RANBP2: variants seen among roughly 807,000 people sequenced by gnomAD.
RANBP2 encodes the protein RAN binding protein 2.
Under a neutral mutation model 303.6 loss-of-function variants are expected in RANBP2, and 57 were observed. The ratio of observed to expected loss-of-function variants is 0.19; its 90% CI spans 0.15 to 0.23. The LOEUF is 0.23. Among genes scored for constraint, RANBP2 ranks in the 10% least tolerant of loss-of-function variants. The pLI is 1.00. For synonymous variants in RANBP2, 1,167 were observed against 1,301.5 expected, an observed-to-expected ratio of 0.90 and a Z score of 2.23; for missense variants, 3,138 against 3,780.8, an observed-to-expected ratio of 0.83 and a Z score of 4.46.
chr2:108,864,969 A>G, the RANBP2 span, among the ~76,000 whole-genome samples: 1 of 152,122 alleles, frequency 6.6e-6, no homozygotes, highest in Non-Finnish European at 1.5e-5. Context: ...AAGAAAATAA[A>G]TAAATAGTAA....
the RANBP2 span, among the ~76,000 whole-genome samples, chr2:109,673,767 G>T: frequency 6.6e-6 from 1 of 151,934 alleles, no homozygotes; most frequent in African/African-American, 2.4e-5. Flanking sequence ...GGGAGGGGAG[G>T]TGGGGAGGGG....
At chr2:109,557,170 T>C in the RANBP2 span, among the ~76,000 whole-genome samples, 1 of 151,300 alleles carries the variant, frequency 6.6e-6, no homozygotes, top group East Asian at 1.9e-4. Flanking sequence ...TAAAGTATAA[T>C]AAAAAAAAAT....
the RANBP2 span, chr2:108,798,280 C>T: frequency 1.5e-6 from 1 of 683,130 alleles, no homozygotes; most frequent in South Asian, 2.2e-5. Flanking sequence ...ACTTGCTATA[C>T]TAGTCTAGCT....
the RANBP2 span, chr2:109,398,717 G>A: frequency 6.2e-7 from 1 of 1,612,960 alleles, no homozygotes; most frequent in Non-Finnish European, 8.5e-7. Flanking sequence ...CCCACTTTAA[G>A]CAGCTCAGGG....
At chr2:109,184,587 C>A in the RANBP2 span, among the ~76,000 whole-genome samples, 2 of 152,146 alleles carry the variant, frequency 1.3e-5, no homozygotes, top group African/African-American at 2.4e-5. Context: ...GTTGGCTTCC[C>A]CCATCCAGTG....
the RANBP2 span, among the ~76,000 whole-genome samples, chr2:108,862,088 T>TG: frequency 1.3e-5 from 2 of 151,244 alleles, no homozygotes; most frequent in Non-Finnish European, 2.9e-5. Context: ...TTTTTTTTTT[T>TG]TTTATTTGTT....
the RANBP2 span, among the ~76,000 whole-genome samples, chr2:109,014,771 T>C: frequency 1.3e-5 from 2 of 151,652 alleles, no homozygotes; most frequent in African/African-American, 4.9e-5. Context: ...CCAGCATGAG[T>C]GTGGTGCAGG....
chr2:109,612,293 G>A, the RANBP2 span, among the ~76,000 whole-genome samples: 1 of 152,164 alleles, frequency 6.6e-6, no homozygotes, highest in East Asian at 1.9e-4. Context: ...GATTGTCTGG[G>A]GTTAAGAAGG....
At chr2:109,344,118 G>T in the RANBP2 span, among the ~76,000 whole-genome samples, 122 of 152,298 alleles carry the variant, frequency 8.0e-4, no homozygotes, top group Non-Finnish European at 1.5e-3. Context: ...GAGTGCCTTT[G>T]AATTAACAGC....
the RANBP2 span, among the ~76,000 whole-genome samples, chr2:108,887,901 T>C: frequency 6.6e-6 from 1 of 152,208 alleles, no homozygotes; most frequent in Admixed American, 6.5e-5. Context: ...TTTCCAGTAC[T>C]ACATTGAATA....
chr2:109,724,283 A>G, the RANBP2 span, among the ~76,000 whole-genome samples: 58 of 152,286 alleles, frequency 3.8e-4, no homozygotes, highest in African/African-American at 1.4e-3. Flanking sequence ...ATCTTAAAAT[A>G]TATTTTTCTA....
chr2:108,876,123 A>G, the RANBP2 span: 19 of 1,605,364 alleles, frequency 1.2e-5, no homozygotes, highest in East Asian at 1.1e-4. Context: ...TTTACGATTC[A>G]TCTGATGCTT....
At chr2:109,424,400 T>C in the RANBP2 span, among the ~76,000 whole-genome samples, 1 of 152,212 alleles carries the variant, frequency 6.6e-6, no homozygotes, top group South Asian at 2.1e-4. Flanking sequence ...TGGTGGGGCT[T>C]CAGCCTCAGA....
At chr2:108,878,859 A>G in the RANBP2 span, among the ~76,000 whole-genome samples, 7 of 152,244 alleles carry the variant, frequency 4.6e-5, no homozygotes, top group African/African-American at 1.2e-4. Context: ...AAAATGTAAG[A>G]TAAAGAATCC....
At chr2:109,064,745 A>G in the RANBP2 span, among the ~76,000 whole-genome samples, 1 of 152,148 alleles carries the variant, frequency 6.6e-6, no homozygotes, top group Non-Finnish European at 1.5e-5. Context: ...TGTGGGTTGT[A>G]TTTGATGGAT....
At chr2:108,929,083 G>A in the RANBP2 span, 13 of 1,228,960 alleles carry the variant, frequency 1.1e-5, no homozygotes, top group East Asian at 5.0e-5. Flanking sequence ...CCAGGTGTGC[G>A]GCTGCACCGA....
chr2:109,472,312 T>G, the RANBP2 span, among the ~76,000 whole-genome samples: 1 of 150,778 alleles, frequency 6.6e-6, no homozygotes, highest in African/African-American at 2.4e-5. Context: ...GCCAGGGGCC[T>G]CCCGGGCCCT....
chr2:109,315,310 C>T, the RANBP2 span, among the ~76,000 whole-genome samples: 2 of 152,314 alleles, frequency 1.3e-5, no homozygotes, highest in East Asian at 1.9e-4. Context: ...GGGTCCAACA[C>T]CAACTTGGAG....
At chr2:109,663,952 T>C in the RANBP2 span, among the ~76,000 whole-genome samples, 1 of 152,190 alleles carries the variant, frequency 6.6e-6, no homozygotes, top group African/African-American at 2.4e-5. Flanking sequence ...TACAGCACAG[T>C]CATGGCTTCA....
Sources: gnomAD v4.1 joint callset for allele counts (sites outside exome capture counted in the v4.1 genomes callset) on GRCh38, gnomAD v4.1.1 for gene constraint, MANE v1.5 for transcripts, NCBI Gene and HGNC (gene_info 2026-07-23, HGNC 2026-07-21) for gene names.